The following TMCC3 variants were observed in gnomAD, a reference collection of about 807,000 sequenced individuals.
TMCC3 encodes transmembrane and coiled-coil domain family 3.
A neutral mutation model predicts 40.2 loss-of-function variants in TMCC3; 28 were observed. The ratio of observed to expected loss-of-function variants is 0.70; its 90% CI spans 0.52 to 0.95. TMCC3 has a LOEUF of 0.95. TMCC3 is among the 40% of genes least tolerant of loss of function. TMCC3 has a pLI of 0.00. For synonymous variants in TMCC3, 255 were observed against 248.5 expected (o/e 1.03, Z -0.25); for missense variants, 554 against 615.2 (o/e 0.90, Z 1.05).
chr12:94,645,320 C>A (rs2069012257), intron 1 of TMCC3, among the ~76,000 whole-genome samples: 1 of 152,318 alleles, frequency 6.6e-6, no homozygotes, highest in African/African-American at 2.4e-5. Context: ...ATACTTTTCA[C>A]AAAATTAGCA....
chr12:94,593,928 G>T (rs1417382840), intron 1 of TMCC3, among the ~76,000 whole-genome samples: 1 of 152,120 alleles, frequency 6.6e-6, no homozygotes, highest in East Asian at 1.9e-4. Flanking sequence ...CCCTTGAAAA[G>T]TAGAAGGGAA....
intron 1 of TMCC3, among the ~76,000 whole-genome samples, chr12:94,649,539 T>C (rs1301672859): frequency 6.6e-6 from 1 of 152,218 alleles, no homozygotes; most frequent in African/African-American, 2.4e-5. Context: ...CAATCAGCCC[T>C]GGGGAGAACG....
intron 3 of TMCC3, 134 bp downstream of exon 3, chr12:94,578,260 T>C: frequency 2.0e-6 from 2 of 992,542 alleles, no homozygotes; most frequent in Non-Finnish European, 2.9e-6. Context: ...ACAGATAAAA[T>C]GTTTGTGCAG....
rs1269304976 is a variant in TMCC3, at chr12:94,581,875, T to G, written c.742A>C (p.Lys248Gln). 2 of 1,614,126 alleles carry G rather than the reference T, an allele frequency of 1.2e-6. No homozygotes were observed. The highest frequency in any genetic ancestry group is 4.5e-5 in the East Asian group (2 of 44,902). ...TCATCATCACTGCCATACTTGGGTT[T>G]GTTCACGATGGTAGCGCTGCCCCCG... ...AYGGSATIVN[K>Q]PKYGSDDECS... Residue 248 changes from lysine to glutamine, a missense_variant, in exon 2 of 4, where the codon AAA becomes CAA. By Grantham distance (53) the Lys-to-Gln change is moderately conservative (BLOSUM62 1). Transcript: ENST00000261226.
chr12:94,627,175 C>A (rs767607900), intron 1 of TMCC3, among the ~76,000 whole-genome samples: 3 of 152,118 alleles, frequency 2.0e-5, no homozygotes, highest in Admixed American at 6.6e-5. Context: ...GAAACTGAAG[C>A]TCAAATGGGT....
At chr12:94,640,611 A>T (rs1295756619) in intron 1 of TMCC3, among the ~76,000 whole-genome samples, 3 of 152,190 alleles carry the variant, frequency 2.0e-5, no homozygotes, top group Admixed American at 2.0e-4. Context: ...AATATCAAGC[A>T]AATAACAGTG....
intron 1 of TMCC3, among the ~76,000 whole-genome samples, chr12:94,650,140 G>A (rs942915486): frequency 6.6e-6 from 1 of 152,128 alleles, no homozygotes; most frequent in Non-Finnish European, 1.5e-5. Flanking sequence ...TGAGGGGCAG[G>A]CGGACCTGGG....
At chr12:94,573,826 TC>T (rs59803447) in intron 3 of TMCC3, among the ~76,000 whole-genome samples, 61,435 of 151,992 alleles carry the variant, frequency 0.4, 12,954 homozygotes, top group Non-Finnish European at 0.44. Flanking sequence ...CCCCACTCCA[TC>T]CCTTCTTCAC....
At chr12:94,616,338 G>C (rs1000684420) in intron 1 of TMCC3, 1 of 152,708 alleles carries the variant, frequency 6.5e-6, no homozygotes. Context: ...AAATGGGCTC[G>C]GCTCAACAAA....
Position 94,615,728 on chromosome 12 carries a change from G to A in TMCC3, c.79-33190C>T, listed in dbSNP as rs183971788. ...TAAGGAGACTGGTGGTTCATTAGGCGTTTAGGCAGTTTAAGTATCTAGAAA... is the reference window on the plus strand; with the variant it reads ...TAAGGAGACTGGTGGTTCATTAGGCATTTAGGCAGTTTAAGTATCTAGAAA... On this transcript the variant is annotated intron_variant, in intron 1 of 3. Coordinates refer to ENST00000261226, the MANE Select transcript of TMCC3 (RefSeq NM_020698.4). Among the ~76,000 whole-genome samples the A allele has an allele frequency of 4.5e-4, 68 of 152,324 alleles. No homozygotes were observed. The East Asian group carries it at 6.4e-3, about 14-fold the overall frequency.
intron 1 of TMCC3, among the ~76,000 whole-genome samples, chr12:94,587,244 T>A (rs1168982838): frequency 6.6e-6 from 1 of 152,068 alleles, no homozygotes; most frequent in Non-Finnish European, 1.5e-5. Context: ...CAGGACACTG[T>A]GTTTCTGTTT....
At chr12:94,616,631 A>G (rs1353779676) in intron 1 of TMCC3, among the ~76,000 whole-genome samples, 1 of 152,002 alleles carries the variant, frequency 6.6e-6, no homozygotes, top group African/African-American at 2.4e-5. Flanking sequence ...AAGTGTCAGG[A>G]GAGTACTTGG....
chr12:94,597,126 T>TAC (rs1566322213), intron 1 of TMCC3, among the ~76,000 whole-genome samples: 1 of 9,236 alleles, frequency 1.1e-4, no homozygotes, highest in Admixed American at 1.9e-3. Context: ...TTAAAATACA[T>TAC]ATATATATAT....
At chr12:94,622,796 G>A (rs1465554983) in intron 1 of TMCC3, among the ~76,000 whole-genome samples, 13 of 148,794 alleles carry the variant, frequency 8.7e-5, no homozygotes, top group Admixed American at 8.1e-4. Flanking sequence ...AAAAGACCCA[G>A]TGACCAAAAG....
At chr12:94,641,984 C>T (rs909038132) in intron 1 of TMCC3, among the ~76,000 whole-genome samples, 5 of 151,416 alleles carry the variant, frequency 3.3e-5, no homozygotes, top group African/African-American at 1.2e-4. Flanking sequence ...GAATTGTCAC[C>T]CCTCTTTTCC....
intron 1 of TMCC3, among the ~76,000 whole-genome samples, chr12:94,617,915 G>A (rs2068856028): frequency 6.6e-6 from 1 of 152,092 alleles, no homozygotes; most frequent in South Asian, 2.1e-4. Flanking sequence ...AGTTAATATT[G>A]CATAGCCTCT....
intron 1 of TMCC3, among the ~76,000 whole-genome samples, chr12:94,646,624 A>C (rs968374502): frequency 6.6e-6 from 1 of 151,718 alleles, no homozygotes; most frequent in Non-Finnish European, 1.5e-5. Context: ...TTTTTAGTAG[A>C]GACAGGGTTT....
At chr12:94,616,528 T>G (rs541925474) in intron 1 of TMCC3, 1 of 152,388 alleles carries the variant, frequency 6.6e-6, no homozygotes, top group South Asian at 2.1e-4. Context: ...TGCCTCCTAG[T>G]GTCAGGCGCA....
intron 1 of TMCC3, among the ~76,000 whole-genome samples, chr12:94,607,082 C>T (rs186377347): frequency 3.3e-4 from 51 of 152,290 alleles, no homozygotes; most frequent in East Asian, 1.5e-3. Flanking sequence ...GCATTCCTTC[C>T]GCACGGTATT....
Sources: gnomAD v4.1 joint callset for allele counts (sites outside exome capture counted in the v4.1 genomes callset) on GRCh38, gnomAD v4.1.1 for gene constraint, MANE v1.5 for transcripts, NCBI Gene and HGNC (gene_info 2026-07-23, HGNC 2026-07-21) for gene names.